The following HORMAD1 variants were observed in gnomAD, a reference collection of about 807,000 sequenced individuals.
HORMAD1 encodes the protein HORMA domain containing 1.
A neutral mutation model predicts 58.2 loss-of-function variants in HORMAD1; 33 were observed. The observed-to-expected ratio is 0.57, with a 90% CI of 0.43 to 0.76. The LOEUF is 0.76. Among genes scored for constraint, HORMAD1 ranks in the 30% least tolerant of loss-of-function variants. The pLI is 0.00. For missense variants in HORMAD1, 363 were observed against 462.0 expected, an observed-to-expected ratio of 0.79 and a Z score of 1.96; for synonymous variants, 137 against 144.6, an observed-to-expected ratio of 0.95 and a Z score of 0.38.
chr1:150,699,670 G>A (rs911281383), intron 14 of HORMAD1, among the ~76,000 whole-genome samples: 25 of 150,664 alleles, frequency 1.7e-4, no homozygotes, highest in Admixed American at 4.0e-4. Context: ...GACTACAGGC[G>A]TGCGCCACCA....
chr1:150,711,440 T>C (rs1029948749), intron 7 of HORMAD1, 105 bp downstream of exon 7: 39 of 848,068 alleles, frequency 4.6e-5, no homozygotes, highest in Non-Finnish European at 7.4e-5. Context: ...TGAAAGTATA[T>C]TGATTAAAGC....
intron 5 of HORMAD1, among the ~76,000 whole-genome samples, chr1:150,712,918 C>G (rs191397207): frequency 4.7e-4 from 72 of 152,252 alleles, no homozygotes; most frequent in South Asian, 1.2e-3. Flanking sequence ...TTCTTTGCAC[C>G]TAAAATAAAA....
In HORMAD1 at chr1:150,698,062, C is replaced by T. The variant is rs945304918; in HGVS notation, c.*592G>A. Reference sequence around the variant, plus strand: ...AAATTAGAAGCGATAAAAGGGCCTACGTACTGAACAATATTTTATTTATGC... The same window carrying T: ...AAATTAGAAGCGATAAAAGGGCCTATGTACTGAACAATATTTTATTTATGC... On this transcript the variant is annotated 3_prime_UTR_variant, in exon 15 of 15. Transcript: ENST00000361824. 2 of 152,054 alleles carry T rather than the reference C, an allele frequency of 1.3e-5. No individual in the cohort carries two copies. Among genetic ancestry groups the T allele is most frequent in the Non-Finnish European group, 2.9e-5 (2 of 68,046 alleles). 9.4% of individuals were successfully genotyped at this position (152,054 alleles called of 1,614,324 possible).
intron 3 of HORMAD1, among the ~76,000 whole-genome samples, chr1:150,715,337 C>A (rs891854473): frequency 2.6e-5 from 4 of 151,950 alleles, no homozygotes; most frequent in Non-Finnish European, 4.4e-5. Context: ...AAGAACTTAA[C>A]GGGCTATCAA....
intron 5 of HORMAD1, 167 bp downstream of exon 5, chr1:150,713,918 A>G: frequency 1.7e-6 from 1 of 605,308 alleles, no homozygotes; most frequent in Non-Finnish European, 3.0e-6. Context: ...TCTTTAAATG[A>G]GTTGATGATT....
At chr1:150,699,690 ATT>A (rs765754825) in intron 14 of HORMAD1, among the ~76,000 whole-genome samples, 5 of 105,384 alleles carry the variant, frequency 4.7e-5, no homozygotes, top group Admixed American at 3.0e-4. Flanking sequence ...ACGCCCAGCT[ATT>A]TTTTTTTTTT....
At chr1:150,714,776 AAATTATTATTAT>A (rs1301531869) in intron 3 of HORMAD1, 98 bp from the exon 4 acceptor site, 24 of 456,828 alleles carry the variant, frequency 5.3e-5, no homozygotes, top group Middle Eastern at 1.1e-3. Flanking sequence ...TATTACAGGT[AAATTATTATTAT>A]AATTATTATT....
At chr1:150,701,476 G>A (rs910277805) in intron 13 of HORMAD1, among the ~76,000 whole-genome samples, 5 of 152,136 alleles carry the variant, frequency 3.3e-5, no homozygotes, top group African/African-American at 9.7e-5. Flanking sequence ...CTCTAGGAGA[G>A]AAACAAACCT....
chr1:150,701,007 A>G (rs1473236567), intron 13 of HORMAD1, among the ~76,000 whole-genome samples: 1 of 152,202 alleles, frequency 6.6e-6, no homozygotes, highest in Non-Finnish European at 1.5e-5. Flanking sequence ...GATGCTTGAA[A>G]TGAGCTTTCC....
rs1186150583 is a variant in HORMAD1 at position 150,703,346 on chromosome 1, G to A, written c.996C>T (p.Ser332=). 1 of 1,583,140 alleles carries A rather than the reference G, an allele frequency of 6.3e-7. No homozygotes were observed. Among genetic ancestry groups the A allele is most frequent in the Non-Finnish European group, 8.6e-7 (1 of 1,159,180 alleles). ...GAAAGACTTTTCCACTTCTTGTTTT[G>A]CTTTCAGACATATCAAGTTCAGATG... ...NKTSELDMSE[S]KTRSGKVFQN... The change falls in exon 13 of 15, where the codon AGC becomes AGT. Residue 332 remains serine (S), a synonymous_variant. Transcript: ENST00000361824.
intron 10 of HORMAD1, 102 bp from the exon 11 acceptor site, chr1:150,704,445 A>G (rs1304302310): frequency 8.2e-6 from 6 of 728,074 alleles, no homozygotes; most frequent in Non-Finnish European, 1.3e-5. Context: ...GTGAAGGCTA[A>G]ATACAATATA....
intron 5 of HORMAD1, 166 bp downstream of exon 5, chr1:150,713,919 G>A: frequency 3.3e-6 from 2 of 605,332 alleles, no homozygotes; most frequent in Admixed American, 3.4e-5. Flanking sequence ...CTTTAAATGA[G>A]TTGATGATTA....
intron 6 of HORMAD1, 35 bp downstream of exon 6, chr1:150,711,798 A>C (rs752045894): frequency 6.7e-7 from 1 of 1,492,786 alleles, no homozygotes; most frequent in Admixed American, 1.7e-5. Flanking sequence ...ATTTGGCAGT[A>C]TTAAAAAAAG....
At chr1:150,708,999 C>T (rs1398482479) in intron 7 of HORMAD1, 38 bp from the exon 8 acceptor site, 1 of 944,764 alleles carries the variant, frequency 1.1e-6, no homozygotes, top group African/African-American at 1.6e-5. Flanking sequence ...TTCTGATATT[C>T]AGTACTAGCT....
intron 5 of HORMAD1, among the ~76,000 whole-genome samples, chr1:150,712,877 T>C (rs1651944477): frequency 1.3e-5 from 2 of 152,204 alleles, no homozygotes; most frequent in Admixed American, 6.5e-5. Context: ...AATCAAATAT[T>C]ACATTTCTAT....
intron 7 of HORMAD1, 126 bp from the exon 8 acceptor site, chr1:150,709,087 C>A: frequency 4.8e-6 from 3 of 627,184 alleles, no homozygotes; most frequent in Non-Finnish European, 8.6e-6. Context: ...CCCTATTGAT[C>A]CATTGAAACT....
chr1:150,719,403 A>C, intron 2 of HORMAD1, 70 bp downstream of exon 2: 2 of 925,270 alleles, frequency 2.2e-6, no homozygotes, highest in South Asian at 3.1e-5. Flanking sequence ...CTTCCAACAG[A>C]GTATTTGAGA....
At chr1:150,702,469 A>G (rs1298811621) in intron 13 of HORMAD1, among the ~76,000 whole-genome samples, 1 of 152,152 alleles carries the variant, frequency 6.6e-6, no homozygotes, top group Non-Finnish European at 1.5e-5. Context: ...AGATACATGC[A>G]CCTGTATGTT....
intron 13 of HORMAD1, among the ~76,000 whole-genome samples, chr1:150,702,773 TA>T (rs1651574806): frequency 2.0e-5 from 3 of 152,114 alleles, no homozygotes; most frequent in Non-Finnish European, 2.9e-5. Context: ...AGCATTAGGA[TA>T]AATAGCTAAT....
Sources: allele counts gnomAD v4.1 joint callset (sites outside exome capture counted in the v4.1 genomes callset), GRCh38; gene constraint gnomAD v4.1.1; transcripts MANE v1.5; gene names NCBI Gene and HGNC (gene_info 2026-07-23, HGNC 2026-07-21).